TASP1: variants seen among roughly 807,000 people sequenced by gnomAD.
The protein encoded by TASP1 is threonine aspartase 1.
A neutral mutation model predicts 56.6 loss-of-function variants in TASP1; 16 were observed. The ratio of observed to expected loss-of-function variants is 0.28; its 90% CI spans 0.19 to 0.43. TASP1 has a LOEUF of 0.43. Ranked by LOEUF, TASP1 falls within the 20% of genes least tolerant of loss-of-function variation. The probability of loss-of-function intolerance (pLI) is 1.00; values close to 1 mark genes in which losing one functional copy is unlikely to be tolerated. For missense variants in TASP1, 393 were observed against 511.6 expected (o/e 0.77, Z 2.24); for synonymous variants, 179 against 184.2 (o/e 0.97, Z 0.23).
At chr20:13,405,833 G>A (rs1398528881) in intron 13 of TASP1, among the ~76,000 whole-genome samples, 1 of 151,948 alleles carries the variant, frequency 6.6e-6, no homozygotes, top group Non-Finnish European at 1.5e-5. Context: ...TGAGATTACA[G>A]GCATGAGCCA....
chr20:13,277,947 A>C, the TASP1 span, among the ~76,000 whole-genome samples: 1 of 152,188 alleles, frequency 6.6e-6, no homozygotes, highest in African/African-American at 2.4e-5. Context: ...TTCGTAACAC[A>C]AAAGGAAGGG....
chr20:13,362,832 T>C, the TASP1 span, among the ~76,000 whole-genome samples: 1 of 145,492 alleles, frequency 6.9e-6, no homozygotes, highest in Non-Finnish European at 1.5e-5. Flanking sequence ...TATATATATA[T>C]ATATATTTGT....
intron 4 of TASP1, among the ~76,000 whole-genome samples, chr20:13,588,250 A>AAGGAAGGAAGGAAGG (rs2047381095): frequency 1.0e-5 from 1 of 96,624 alleles, no homozygotes; most frequent in Non-Finnish European, 2.0e-5. Context: ...AGAAAGGAAG[A>AAGGAAGGAAGGAAGG]AAGGAAGGAA....
chr20:13,500,987 GA>G (rs1240657876), intron 10 of TASP1, among the ~76,000 whole-genome samples: 2 of 151,732 alleles, frequency 1.3e-5, no homozygotes, highest in African/African-American at 4.8e-5. Context: ...AAACACATGG[GA>G]AAAAAAGATA....
chr20:13,303,025 AC>A, the TASP1 span, among the ~76,000 whole-genome samples: 1 of 152,184 alleles, frequency 6.6e-6, no homozygotes, highest in African/African-American at 2.4e-5. Context: ...TTCTGAGCCC[AC>A]ACTTTGTGTC....
intron 8 of TASP1, among the ~76,000 whole-genome samples, chr20:13,541,062 A>G (rs2146945239): frequency 6.6e-6 from 1 of 152,316 alleles, no homozygotes; most frequent in South Asian, 2.1e-4. Flanking sequence ...ATATTAAGAG[A>G]CATGGCTCAA....
At chr20:13,192,391 T>A in the TASP1 span, among the ~76,000 whole-genome samples, 1 of 152,054 alleles carries the variant, frequency 6.6e-6, no homozygotes, top group Non-Finnish European at 1.5e-5. Flanking sequence ...TTAAAAAACA[T>A]TAGCCCAGTA....
At chr20:13,357,578 A>C in the TASP1 span, among the ~76,000 whole-genome samples, 2 of 152,208 alleles carry the variant, frequency 1.3e-5, no homozygotes, top group African/African-American at 4.8e-5. Flanking sequence ...CTCTGCAAAA[A>C]AGTCTGGAGA....
rs767424444 is a variant in TASP1 at position 13,574,672 on chromosome 20, TAAC to T, written c.489-5089_489-5087del. 5.0e-4 allele frequency among the ~76,000 whole-genome samples: 76 copies of T among 151,970 alleles called. 1 individual carries two copies. The highest frequency in any genetic ancestry group is 8.5e-4 in the Non-Finnish European group (58 of 67,978). ...CAAATCAAACTTGTAGAGATAAAAA[TAAC>T]AATACATAAAGAAATAAAACACAAG... On this transcript the variant is annotated intron_variant, in intron 6 of 13. Coordinates refer to ENST00000337743, the MANE Select transcript of TASP1 (RefSeq NM_017714.3).
At chr20:13,387,184 ATTTTTTTTT>A (rs779048448), downstream of TASP1, among the ~76,000 whole-genome samples, 3 of 70,694 alleles carry the variant, frequency 4.2e-5, no homozygotes, top group East Asian at 3.7e-4. Flanking sequence ...ACATGATTTC[ATTTTTTTTT>A]TTTTTTTTTT....
chr20:13,496,601 A>G (rs1484823335), intron 10 of TASP1, among the ~76,000 whole-genome samples: 1 of 152,188 alleles, frequency 6.6e-6, no homozygotes, highest in African/African-American at 2.4e-5. Context: ...CCCAAAAACA[A>G]GAAAATTACC....
chr20:13,164,803 C>A, the TASP1 span: 1 of 1,613,806 alleles, frequency 6.2e-7, no homozygotes, highest in Non-Finnish European at 8.5e-7. Flanking sequence ...CTGAAATATT[C>A]CCGGCACAAG....
the TASP1 span, among the ~76,000 whole-genome samples, chr20:13,376,388 TG>T: frequency 6.6e-6 from 1 of 152,192 alleles, no homozygotes; most frequent in Non-Finnish European, 1.5e-5. Flanking sequence ...TGGTTGTAGA[TG>T]TGTGGCATTA....
At chr20:13,606,078 T>A (rs1469330824) in intron 4 of TASP1, among the ~76,000 whole-genome samples, 1 of 152,004 alleles carries the variant, frequency 6.6e-6, no homozygotes, top group African/African-American at 2.4e-5. Flanking sequence ...CTGAGTTTGG[T>A]GAGAGATTTC....
chr20:13,567,143 G>A (rs958772220), intron 7 of TASP1, among the ~76,000 whole-genome samples: 11 of 152,098 alleles, frequency 7.2e-5, no homozygotes, highest in Non-Finnish European at 1.0e-4. Flanking sequence ...GGATGGAGAT[G>A]GCCATTATCC....
At chr20:13,637,446 A>T (rs6042269) in intron 1 of TASP1, among the ~76,000 whole-genome samples, 39,941 of 152,146 alleles carry the variant, frequency 0.26, 6,635 homozygotes, top group African/African-American at 0.47. Context: ...ACAGATGTTT[A>T]TAGCAGAATT....
the TASP1 span, among the ~76,000 whole-genome samples, chr20:13,250,447 A>C: frequency 6.6e-6 from 1 of 152,190 alleles, no homozygotes; most frequent in African/African-American, 2.4e-5. Flanking sequence ...GCAGGAAAAG[A>C]GCGAGTAATG....
chr20:13,184,785 A>G, the TASP1 span, among the ~76,000 whole-genome samples: 1 of 152,144 alleles, frequency 6.6e-6, no homozygotes, highest in Non-Finnish European at 1.5e-5. Flanking sequence ...TCTGAGGAGG[A>G]TAAGAGACAT....
At chr20:13,329,865 G>A in the TASP1 span, among the ~76,000 whole-genome samples, 1 of 151,944 alleles carries the variant, frequency 6.6e-6, no homozygotes, top group South Asian at 2.1e-4. Context: ...TTTTAGCTGC[G>A]GAGATTTTCG....
Sources: gnomAD v4.1 joint callset for allele counts (sites outside exome capture counted in the v4.1 genomes callset) on GRCh38, gnomAD v4.1.1 for gene constraint, MANE v1.5 for transcripts, NCBI Gene and HGNC (gene_info 2026-07-23, HGNC 2026-07-21) for gene names.